SP100: variants seen among roughly 807,000 people sequenced by gnomAD.
SP100 encodes nuclear autoantigen Sp-100.
SP100 carries 84 observed loss-of-function variants against 130.0 expected under a neutral mutation model. The ratio of observed to expected loss-of-function variants is 0.65; its 90% CI spans 0.54 to 0.77. The LOEUF is 0.77. SP100 is among the 30% of genes least tolerant of loss of function. SP100 has a pLI of 0.00. For missense variants in SP100, 978 were observed against 1,052.2 expected (o/e 0.93, Z 0.97); for synonymous variants, 331 against 351.7 (o/e 0.94, Z 0.66).
At chr2:230,501,104 T>C (rs766496133) in intron 19 of SP100, among the ~76,000 whole-genome samples, 1 of 152,016 alleles carries the variant, frequency 6.6e-6, no homozygotes, top group Non-Finnish European at 1.5e-5. Flanking sequence ...TAGCCAGGTG[T>C]GGTGGCGCAC....
Position 230,492,178 on chromosome 2 carries a change from C to G in SP100, c.1601-2238C>G, listed in dbSNP as rs142432808. 5.3e-5 allele frequency among the ~76,000 whole-genome samples: 8 copies of G among 152,278 alleles called. No homozygotes were observed. In the East Asian group the frequency reaches 1.5e-3, roughly 29 times the overall value. On this transcript the variant is annotated intron_variant, in intron 17 of 28. Coordinates refer to ENST00000340126, the MANE Select transcript of SP100 (RefSeq NM_001080391.2). ...GCCATTACCATGTTTACCTTTCAGC[C>G]ATTAACCTTGCTTTACATCTACTCT... is the stretch of plus-strand genomic sequence containing the variant.
At chr2:230,440,643 T>A (rs1332885169) in intron 2 of SP100, 1 of 1,258,818 alleles carries the variant, frequency 7.9e-7, no homozygotes, top group Non-Finnish European at 1.0e-6. Flanking sequence ...GTAGCTTCAA[T>A]TCAAATCCAA....
rs762111703 is a variant in SP100, at chr2:230,503,102, GA to G, written c.1762del (p.Arg588GlufsTer20). The G allele has an allele frequency of 1.3e-6, 2 of 1,598,704 alleles. No homozygotes were observed. The highest frequency in any genetic ancestry group is 1.7e-6 in the Non-Finnish European group (2 of 1,169,110). ...KANTRPLKRR[R>X]KRGPRIPKDE... ...AACACTAGACCTTTGAAAAGAAGAA[GA>G]AAAAGAGGTAAATAGAAGTGATCGA... On this transcript the variant is annotated frameshift_variant, in exon 20 of 29. Coordinates refer to ENST00000340126, the MANE Select transcript of SP100 (RefSeq NM_001080391.2). LOFTEE classifies it high-confidence loss of function.
intron 24 of SP100, chr2:230,537,608 CT>C (rs1691996239): frequency 6.6e-6 from 1 of 152,212 alleles, no homozygotes; most frequent in African/African-American, 2.4e-5. Context: ...GTTAATGACT[CT>C]AGTTATGACC....
intron 2 of SP100, among the ~76,000 whole-genome samples, chr2:230,422,131 T>G (rs2062785549): frequency 6.6e-6 from 1 of 152,170 alleles, no homozygotes; most frequent in African/African-American, 2.4e-5. Context: ...TGCCATTATA[T>G]TTTTAATTTC....
rs1256932354 is a variant in SP100, at chr2:230,543,997, A to G, written c.*1051A>G. 6.6e-6 allele frequency: 1 copy of G among 152,178 alleles called. No individual in the cohort carries two copies. The highest frequency in any genetic ancestry group is 1.5e-5 in the Non-Finnish European group (1 of 68,028). 9.4% of individuals were successfully genotyped at this position (152,178 alleles called of 1,614,324 possible). ...CAATGGAACAGAACGAAGAGCACAG[A>G]ATAAGACCACACTCCTATGACCATC... On this transcript the variant is annotated 3_prime_UTR_variant, in exon 29 of 29. Coordinates refer to ENST00000340126, the MANE Select transcript of SP100 (RefSeq NM_001080391.2).
rs530452189 is a variant in SP100, at chr2:230,470,371, T to A, written c.1429+273T>A. The A allele has an allele frequency of 3.7e-6, 4 of 1,094,502 alleles. No homozygotes were observed. The African/African-American group carries it at 5.0e-5, about 14-fold the overall frequency. The allele number at this position is 1,094,502 out of a possible 1,614,324, so 67.8% of individuals were successfully genotyped here. ...AGCAAATTTGTGGTATTCTTTTTTT[T>A]AAACCTGCTCTCATTCCTATTAACA... On this transcript the variant is annotated intron_variant, in intron 15 of 28. Transcript: ENST00000340126.
intron 24 of SP100, among the ~76,000 whole-genome samples, chr2:230,523,689 G>A (rs1330725642): frequency 3.3e-5 from 5 of 151,536 alleles, no homozygotes; most frequent in South Asian, 4.2e-4. Flanking sequence ...CAGGCAGATC[G>A]CCTGAGGTCA....
At chr2:230,459,387 G>C (rs2064461810) in intron 8 of SP100, among the ~76,000 whole-genome samples, 1 of 152,044 alleles carries the variant, frequency 6.6e-6, no homozygotes, top group South Asian at 2.1e-4. Context: ...TGGCCCCTGT[G>C]ACTCCACCTC....
intron 18 of SP100, 54 bp downstream of exon 18, chr2:230,494,514 C>T (rs951718468): frequency 7.7e-7 from 1 of 1,297,792 alleles, no homozygotes; most frequent in African/African-American, 1.5e-5. Flanking sequence ...TCCTGTTCTT[C>T]CTGCCAGACC....
intron 24 of SP100, among the ~76,000 whole-genome samples, chr2:230,536,561 T>C (rs1691949419): frequency 6.6e-6 from 1 of 152,100 alleles, no homozygotes; most frequent in Non-Finnish European, 1.5e-5. Context: ...GATGCCAAAC[T>C]CCTCACCCCT....
rs2064616591 is a variant in SP100 at position 230,461,391 on chromosome 2, A to G, written c.950A>G (p.His317Arg). 8 of 1,614,170 alleles carry G rather than the reference A, an allele frequency of 5.0e-6. No individual in the cohort carries two copies. The highest frequency in any genetic ancestry group is 6.8e-6 in the Non-Finnish European group (8 of 1,179,996). Residue 317 changes from histidine to arginine, a missense_variant, in exon 9 of 29, where the codon CAT becomes CGT. By Grantham distance (29) the His-to-Arg change is conservative. Coordinates refer to ENST00000340126, the MANE Select transcript of SP100 (RefSeq NM_001080391.2). ...TGCCAAGCCCAAGCAAGAACTCATC[A>G]TAACCAGGCATCTGACATAATAGGT... ...VECQAQARTH[H>R]NQASDIIVIS...
intron 13 of SP100, among the ~76,000 whole-genome samples, chr2:230,467,762 C>G (rs901560293): frequency 6.6e-6 from 1 of 152,232 alleles, no homozygotes; most frequent in Non-Finnish European, 1.5e-5. Context: ...GGTGAGGACA[C>G]AGCCAAACCA....
intron 24 of SP100, among the ~76,000 whole-genome samples, chr2:230,511,530 G>A (rs1481567576): frequency 6.6e-6 from 1 of 152,164 alleles, no homozygotes; most frequent in Non-Finnish European, 1.5e-5. Context: ...CAAGTAGGTG[G>A]TGGGAATGGA....
chr2:230,426,083 C>G (rs1323013423), intron 2 of SP100, among the ~76,000 whole-genome samples: 1 of 151,970 alleles, frequency 6.6e-6, no homozygotes, highest in Non-Finnish European at 1.5e-5. Context: ...ATCATGTTAT[C>G]AGTTGTAATG....
chr2:230,464,456 A>G (rs543227125), intron 11 of SP100, among the ~76,000 whole-genome samples: 2 of 152,340 alleles, frequency 1.3e-5, no homozygotes, highest in African/African-American at 4.8e-5. Context: ...TTATTTCAAG[A>G]GTTGAAATAA....
At chr2:230,485,983 C>A (rs1470724820) in intron 17 of SP100, among the ~76,000 whole-genome samples, 2 of 152,204 alleles carry the variant, frequency 1.3e-5, no homozygotes, top group Non-Finnish European at 2.9e-5. Flanking sequence ...GTGGTTACAA[C>A]TAGCTAGTGG....
chr2:230,516,342 A>G (rs1690913892), intron 24 of SP100: 1 of 153,744 alleles, frequency 6.5e-6, no homozygotes, highest in African/African-American at 2.4e-5. Flanking sequence ...ATTATGGCAA[A>G]TTCATGTAGA....
intron 24 of SP100, chr2:230,515,776 G>C (rs1372100475): frequency 8.0e-6 from 12 of 1,491,472 alleles, no homozygotes; most frequent in Non-Finnish European, 7.9e-6. Flanking sequence ...GTGTTTTTTT[G>C]TATAGTTAAC....
Sources: allele counts gnomAD v4.1 joint callset (sites outside exome capture counted in the v4.1 genomes callset), GRCh38; gene constraint gnomAD v4.1.1; transcripts MANE v1.5; gene names NCBI Gene and HGNC (gene_info 2026-07-23, HGNC 2026-07-21).